Variants in AKAP6 observed in about 807,000 individuals in gnomAD.
AKAP6 encodes A-kinase anchoring protein 6, also known as A-kinase anchor protein 6.
Under a neutral mutation model 188.5 loss-of-function variants are expected in AKAP6, and 58 were observed. The ratio of observed to expected loss-of-function variants is 0.31; its 90% confidence interval spans 0.25 to 0.38. The LOEUF is 0.38. Ranked by LOEUF, AKAP6 falls within the 10% of genes least tolerant of loss-of-function variation. The pLI, the probability that AKAP6 is intolerant of heterozygous loss-of-function variation, is 1.00. For missense variants in AKAP6, 2,710 were observed against 2,740.0 expected, an observed-to-expected ratio of 0.99 and a Z score of 0.24; for synonymous variants, 989 against 998.6, an observed-to-expected ratio of 0.99 and a Z score of 0.18.
At chr14:32,492,355 T>TATATATATATATATATATATATATAGAG in intron 2 of AKAP6, among the ~76,000 whole-genome samples, 39 of 82,594 alleles carry the variant, frequency 4.7e-4, no homozygotes, top group Non-Finnish European at 8.3e-4. Flanking sequence ...TATATATATA[T>TATATATATATATATATATATATATAGAG]AGAGAGAGAG....
intron 7 of AKAP6, among the ~76,000 whole-genome samples, chr14:32,662,858 C>G (rs1367227602): frequency 6.6e-6 from 1 of 151,988 alleles, no homozygotes; most frequent in Non-Finnish European, 1.5e-5. Flanking sequence ...TGATGGTATC[C>G]TAATTCTATT....
At chr14:32,482,441 T>C (rs1483100716) in intron 2 of AKAP6, among the ~76,000 whole-genome samples, 3 of 152,220 alleles carry the variant, frequency 2.0e-5, no homozygotes, top group Non-Finnish European at 4.4e-5. Flanking sequence ...TCAACCTTCA[T>C]TTCCTTTAGG....
chr14:32,633,548 T>G (rs1181485125), intron 7 of AKAP6, among the ~76,000 whole-genome samples: 1 of 152,042 alleles, frequency 6.6e-6, no homozygotes, highest in Non-Finnish European at 1.5e-5. Flanking sequence ...CTTTGGACAA[T>G]GGTAAGTGAG....
intron 3 of AKAP6, among the ~76,000 whole-genome samples, chr14:32,537,383 G>A (rs1882731028): frequency 6.6e-6 from 1 of 152,122 alleles, no homozygotes; most frequent in African/African-American, 2.4e-5. Flanking sequence ...TTCTCAACTG[G>A]GACTGTTGTG....
intron 12 of AKAP6, among the ~76,000 whole-genome samples, chr14:32,800,074 A>AAT (rs564680292): frequency 0.018 from 1,975 of 111,996 alleles, 42 homozygotes; most frequent in African/African-American, 0.062. Flanking sequence ...TATATATAGA[A>AAT]ATATATATAT....
At chr14:32,587,385 G>T (rs1885298872) in intron 5 of AKAP6, among the ~76,000 whole-genome samples, 1 of 152,178 alleles carries the variant, frequency 6.6e-6, no homozygotes, top group African/African-American at 2.4e-5. Context: ...GACATGGAGG[G>T]CCAGGCTAAT....
rs1555325855 is a variant in AKAP6 at position 32,404,711 on chromosome 14, T to TATATATATATATATATATATATATATATA, written c.-34-28749_-34-28748insATATATATATATATATATATATATATATA. 2.3e-3 allele frequency among the ~76,000 whole-genome samples: 296 copies of TATATATATATATATATATATATATATATA among 128,188 alleles called. 3 individuals are homozygous for TATATATATATATATATATATATATATATA. The highest frequency in any genetic ancestry group is 3.3e-3 in the Non-Finnish European group (194 of 59,068). 84.1% of individuals were successfully genotyped at this position (128,188 alleles called of 152,430 possible). A position where few individuals can be genotyped will look rare whatever the true frequency, so the allele number is the denominator to read the frequency against. Reference sequence around the variant, plus strand: ...CAGGAGATATATATATATATATATATTAGTCAGAATGTCAGCAGGAAATAG... The same window carrying TATATATATATATATATATATATATATATA: ...CAGGAGATATATATATATATATATATATATATATATATATATATATATATATATATAGTCAGAATGTCAGCAGGAAATAG... On this transcript the variant is annotated intron_variant, in intron 1 of 13. Transcript: ENST00000280979.
intron 11 of AKAP6, among the ~76,000 whole-genome samples, chr14:32,745,965 G>A (rs2031892804): frequency 6.6e-6 from 1 of 152,136 alleles, no homozygotes; most frequent in Non-Finnish European, 1.5e-5. Flanking sequence ...AGACCATGGA[G>A]AGTACTGCCA....
At chr14:32,728,650 T>C (rs1040101289) in intron 9 of AKAP6, among the ~76,000 whole-genome samples, 1 of 152,170 alleles carries the variant, frequency 6.6e-6, no homozygotes, top group Admixed American at 6.5e-5. Context: ...TCAAGAAATG[T>C]CTTTAGTTTA....
chr14:32,345,589 G>A (rs762311803), intron 1 of AKAP6, among the ~76,000 whole-genome samples: 3 of 152,168 alleles, frequency 2.0e-5, no homozygotes, highest in African/African-American at 7.2e-5. Context: ...AGTCAAAAGC[G>A]GTTCCTAGAG....
chr14:32,616,210 T>C (rs1886573753), intron 7 of AKAP6, among the ~76,000 whole-genome samples: 1 of 152,144 alleles, frequency 6.6e-6, no homozygotes, highest in South Asian at 2.1e-4. Context: ...CTCAAAGAGA[T>C]AAAAATGGAA....
intron 7 of AKAP6, among the ~76,000 whole-genome samples, chr14:32,654,108 G>C (rs1009388970): frequency 6.6e-6 from 1 of 152,120 alleles, no homozygotes; most frequent in South Asian, 2.1e-4. Flanking sequence ...ATCAGACTTT[G>C]CCCTATAAAA....
rs141009944 is a variant in AKAP6, at chr14:32,395,420, G to A, written c.-34-38040G>A. On this transcript the variant is annotated intron_variant, in intron 1 of 13. Transcript: ENST00000280979. ...CACAGTGCCCCATTTTCACATTGCC[G>A]TCTCACTGGGATACTGAGGGTGAAG... Among the ~76,000 whole-genome samples, 1,232 of 152,210 alleles carry A rather than the reference G, an allele frequency of 8.1e-3. 19 individuals are homozygous for A. Among genetic ancestry groups the A allele is most frequent in the African/African-American group, 0.028 (1,144 of 41,522 alleles).
chr14:32,496,518 G>T (rs915094091), intron 2 of AKAP6, among the ~76,000 whole-genome samples: 5 of 151,866 alleles, frequency 3.3e-5, no homozygotes, highest in Non-Finnish European at 5.9e-5. Flanking sequence ...ATGTTAAATT[G>T]TGCCTTCGGT....
At chr14:32,411,332 T>G (rs909017582) in intron 1 of AKAP6, among the ~76,000 whole-genome samples, 3 of 152,270 alleles carry the variant, frequency 2.0e-5, no homozygotes, top group Admixed American at 2.0e-4. Flanking sequence ...ATATTTCCTT[T>G]AGATTTGATG....
At position 32,512,840 on chromosome 14, in the gene AKAP6, T is replaced by C. The variant is rs114791375; in HGVS notation, c.325-22714T>C. 2.4e-3 allele frequency among the ~76,000 whole-genome samples: 359 copies of C among 152,340 alleles called. 1 individual carries two copies. Among genetic ancestry groups the C allele is most frequent in the African/African-American group, 8.2e-3 (342 of 41,594 alleles). ...TAATTTAGGCTCTAATGCTCAGCAA[T>C]AAATTTTCCAGAAAATGTTCTAGAT... is the stretch of plus-strand genomic sequence containing the variant. On this transcript the variant is annotated intron_variant, in intron 2 of 13. Transcript: ENST00000280979.
chr14:32,571,214 C>CT (rs3032428), intron 4 of AKAP6, among the ~76,000 whole-genome samples: 16,191 of 145,072 alleles, frequency 0.11, 1,536 homozygotes, highest in African/African-American at 0.27. Flanking sequence ...CAGAAGCTGA[C>CT]TTTTTTTTTT....
chr14:32,778,639 T>G (rs1036319185), intron 12 of AKAP6, among the ~76,000 whole-genome samples: 13 of 152,020 alleles, frequency 8.6e-5, no homozygotes, highest in African/African-American at 2.7e-4. Flanking sequence ...CTTGACCTCC[T>G]GGGTGCAAGC....
chr14:32,664,136 G>A (rs1369003503), intron 7 of AKAP6, among the ~76,000 whole-genome samples: 1 of 151,890 alleles, frequency 6.6e-6, no homozygotes, highest in Non-Finnish European at 1.5e-5. Flanking sequence ...TAGTGGATAG[G>A]AACCATGACA....
Sources: gnomAD v4.1 joint callset for allele counts (sites outside exome capture counted in the v4.1 genomes callset) on GRCh38, gnomAD v4.1.1 for gene constraint, MANE v1.5 for transcripts, NCBI Gene and HGNC (gene_info 2026-07-23, HGNC 2026-07-21) for gene names.